Variants in RBFOX1 observed in about 807,000 individuals in gnomAD.
The protein encoded by RBFOX1 is RNA binding fox-1 homolog 1, also known as RNA binding protein fox-1 homolog 1.
Under a neutral mutation model 57.7 loss-of-function variants are expected in RBFOX1, and 8 were observed. The observed-to-expected ratio is 0.14, with a 90% CI of 0.08 to 0.25. The LOEUF is 0.25. Ranked by LOEUF, RBFOX1 falls within the 10% of genes least tolerant of loss-of-function variation. RBFOX1 has a pLI of 1.00. For synonymous variants in RBFOX1, 326 were observed against 222.4 expected, an observed-to-expected ratio of 1.47 and a Z score of -4.15; for missense variants, 611 against 548.5, an observed-to-expected ratio of 1.11 and a Z score of -1.14.
At chr16:5,911,944 C>G (rs2058611719) in intron 4 of RBFOX1, among the ~76,000 whole-genome samples, 1 of 152,148 alleles carries the variant, frequency 6.6e-6, no homozygotes, top group South Asian at 2.1e-4. Context: ...TGAGGGGACA[C>G]AAACATTCAG....
chr16:6,769,285 C>T (rs1042297751), intron 3 of RBFOX1, among the ~76,000 whole-genome samples: 77 of 152,206 alleles, frequency 5.1e-4, no homozygotes, highest in Admixed American at 4.8e-3. Flanking sequence ...TCCTCCTTGC[C>T]TTCCACCATG....
At chr16:5,424,525 TA>T (rs1338712186) in intron 1 of RBFOX1, among the ~76,000 whole-genome samples, 1 of 122,084 alleles carries the variant, frequency 8.2e-6, no homozygotes, top group Non-Finnish European at 1.8e-5. Flanking sequence ...GGTGGCGTTT[TA>T]CTTTTTTTTT....
chr16:5,387,499 C>G (rs2066289109), intron 1 of RBFOX1, among the ~76,000 whole-genome samples: 1 of 152,148 alleles, frequency 6.6e-6, no homozygotes, highest in South Asian at 2.1e-4. Flanking sequence ...GTTATCACAT[C>G]TGAGTTTGAG....
At chr16:7,540,802 T>C (rs2082711815) in intron 5 of RBFOX1, among the ~76,000 whole-genome samples, 1 of 152,234 alleles carries the variant, frequency 6.6e-6, no homozygotes, top group African/African-American at 2.4e-5. Flanking sequence ...CTTGTAGGAA[T>C]GTTTCTGTTT....
chr16:6,167,419 A>G (rs2096926034), intron 1 of RBFOX1, among the ~76,000 whole-genome samples: 1 of 152,198 alleles, frequency 6.6e-6, no homozygotes, highest in Non-Finnish European at 1.5e-5. Context: ...TTTAAGTGCT[A>G]ACGGTAGCTC....
At chr16:5,513,621 A>G (rs1027584887) in intron 2 of RBFOX1, among the ~76,000 whole-genome samples, 2 of 152,198 alleles carry the variant, frequency 1.3e-5, no homozygotes, top group East Asian at 1.9e-4. Flanking sequence ...ATTCTTCTCT[A>G]TGGGATATTT....
chr16:5,549,215 G>A (rs1409699512), intron 2 of RBFOX1, among the ~76,000 whole-genome samples: 1 of 152,158 alleles, frequency 6.6e-6, no homozygotes, highest in African/African-American at 2.4e-5. Context: ...AGAAGGAGCT[G>A]AAATGCGGTC....
chr16:6,116,280 G>A (rs1044224046), intron 1 of RBFOX1, among the ~76,000 whole-genome samples: 4 of 150,384 alleles, frequency 2.7e-5, no homozygotes, highest in Non-Finnish European at 4.4e-5. Flanking sequence ...GGGGTGGGGG[G>A]CAGGGGAGGC....
intron 1 of RBFOX1, among the ~76,000 whole-genome samples, chr16:6,220,727 C>CA (rs2097367344): frequency 1.3e-4 from 1 of 7,694 alleles, no homozygotes; most frequent in Non-Finnish European, 1.4e-3. Context: ...TAACCGCCCC[C>CA]CCCCAGTGGA....
intron 4 of RBFOX1, among the ~76,000 whole-genome samples, chr16:7,315,727 G>T (rs530226714): frequency 4.6e-5 from 7 of 151,954 alleles, no homozygotes; most frequent in Admixed American, 6.6e-5. Flanking sequence ...GACTCGGAAA[G>T]CAGGTGTCCA....
intron 2 of RBFOX1, among the ~76,000 whole-genome samples, chr16:6,630,538 C>T (rs776980422): frequency 1.3e-5 from 2 of 152,114 alleles, no homozygotes; most frequent in African/African-American, 4.8e-5. Context: ...GAGGTAAGCA[C>T]TATTCATAAG....
chr16:5,883,342 A>G (rs915430190), intron 4 of RBFOX1, among the ~76,000 whole-genome samples: 1 of 152,214 alleles, frequency 6.6e-6, no homozygotes, highest in Non-Finnish European at 1.5e-5. Context: ...AAACAAACCA[A>G]TAAACAATAA....
intron 3 of RBFOX1, among the ~76,000 whole-genome samples, chr16:6,752,141 CCATTAGTTT>C (rs1265438405): frequency 6.6e-6 from 1 of 152,152 alleles, no homozygotes; most frequent in African/African-American, 2.4e-5. Flanking sequence ...GTTTTGCATT[CCATTAGTTT>C]CAAAGTACAG....
chr16:5,549,664 G>A (rs1330558892), intron 2 of RBFOX1, among the ~76,000 whole-genome samples: 1 of 152,162 alleles, frequency 6.6e-6, no homozygotes, highest in African/African-American at 2.4e-5. Context: ...TCAGTGAGAT[G>A]TTTAAAAAGG....
rs76434457 is a variant in RBFOX1 at position 5,620,079 on chromosome 16, C to T, written c.318+21118C>T. Among the ~76,000 whole-genome samples the T allele has an allele frequency of 7.8e-3, 1,184 of 151,976 alleles. 9 individuals are homozygous for T. Among genetic ancestry groups the T allele is most frequent in the Non-Finnish European group, 0.012 (834 of 67,974 alleles). On this transcript the variant is annotated intron_variant, in intron 3 of 19. Transcript: ENST00000641259. ...GGGTTGGCGCCTACTGTTTCATTGG[C>T]CTCGCTTACTTTCCTAGTTCAGCAG...
intron 3 of RBFOX1, among the ~76,000 whole-genome samples, chr16:7,011,888 C>T (rs749737839): frequency 6.6e-6 from 1 of 152,162 alleles, no homozygotes; most frequent in Non-Finnish European, 1.5e-5. Context: ...GATGTTAGCT[C>T]AAGTGGTATT....
chr16:7,486,866 G>A (rs955511768), intron 4 of RBFOX1, among the ~76,000 whole-genome samples: 26 of 152,216 alleles, frequency 1.7e-4, no homozygotes, highest in African/African-American at 5.8e-4. Context: ...TTGCCACTCT[G>A]CAGTTAGTTC....
At chr16:5,502,511 C>A (rs551242290) in intron 2 of RBFOX1, among the ~76,000 whole-genome samples, 1 of 152,150 alleles carries the variant, frequency 6.6e-6, no homozygotes, top group African/African-American at 2.4e-5. Flanking sequence ...TTCTCTGGGT[C>A]TGGCTGGAGA....
At chr16:6,477,836 T>G (rs2095298083) in intron 2 of RBFOX1, among the ~76,000 whole-genome samples, 1 of 152,216 alleles carries the variant, frequency 6.6e-6, no homozygotes, top group African/African-American at 2.4e-5. Context: ...AGCTAGATTT[T>G]CAGGGTAAGT....
Sources: allele counts gnomAD v4.1 joint callset (sites outside exome capture counted in the v4.1 genomes callset), GRCh38; gene constraint gnomAD v4.1.1; transcripts MANE v1.5; gene names NCBI Gene and HGNC (gene_info 2026-07-23, HGNC 2026-07-21).